Variants in CEP112 observed in about 807,000 individuals in gnomAD.
CEP112 encodes the protein centrosomal protein 112.
CEP112 carries 127 observed loss-of-function variants against 153.0 expected under a neutral mutation model. That is an observed-to-expected ratio of 0.83 (90% CI 0.72 to 0.96). The LOEUF (loss-of-function observed/expected upper bound fraction) is 0.96, where lower values mean the gene tolerates loss of function less well. Among genes scored for constraint, CEP112 ranks in the 40% least tolerant of loss-of-function variants. The pLI is 0.00. For synonymous variants in CEP112, 358 were observed against 374.4 expected (o/e 0.96, Z 0.51); for missense variants, 1,089 against 1,101.2 (o/e 0.99, Z 0.16).
intron 6 of CEP112, among the ~76,000 whole-genome samples, chr17:66,116,757 T>C (rs2069312213): frequency 6.6e-6 from 1 of 152,166 alleles, no homozygotes. Context: ...CCATATCCCA[T>C]TCTTTTAGTT....
chr17:65,761,057 C>A (rs6504346), intron 21 of CEP112, among the ~76,000 whole-genome samples: 60,452 of 151,836 alleles, frequency 0.4, 12,594 homozygotes, highest in East Asian at 0.79. Context: ...TATTTATAAT[C>A]CTTACAATAC....
chr17:65,647,436 G>A (rs1489509568), intron 24 of CEP112, among the ~76,000 whole-genome samples: 2 of 146,394 alleles, frequency 1.4e-5, no homozygotes, highest in Non-Finnish European at 3.0e-5. Context: ...GCCTCCCAAA[G>A]TACTGGGATT....
At chr17:66,126,445 T>C (rs1467645714) in intron 6 of CEP112, among the ~76,000 whole-genome samples, 1 of 152,046 alleles carries the variant, frequency 6.6e-6, no homozygotes, top group Admixed American at 6.6e-5. Context: ...AAAGCCTCCA[T>C]CCATGCAAGC....
chr17:66,166,051 T>C (rs1216375122), intron 4 of CEP112, among the ~76,000 whole-genome samples: 1 of 152,210 alleles, frequency 6.6e-6, no homozygotes, highest in Non-Finnish European at 1.5e-5. Flanking sequence ...ACACATGTAT[T>C]ATTTAGATGA....
chr17:65,968,470 T>C (rs1209165463), intron 17 of CEP112, among the ~76,000 whole-genome samples: 1 of 152,190 alleles, frequency 6.6e-6, no homozygotes, highest in Non-Finnish European at 1.5e-5. Context: ...TTTCTGCTCA[T>C]TATAGATGAT....
rs148995952 is a variant in CEP112, at chr17:65,913,259, A to G, written c.1981-10925T>C. On this transcript the variant is annotated intron_variant, in intron 19 of 26. Transcript: ENST00000535342. ...TAGTAGTTTCACAGACTGATTTTAT[A>G]TCCTCACTAAAAGATGTTGGAATCT... is the stretch of plus-strand genomic sequence containing the variant. Among the ~76,000 whole-genome samples the G allele has an allele frequency of 9.5e-4, 145 of 152,328 alleles. 2 individuals are homozygous for G. In the East Asian group the frequency reaches 0.02, roughly 21 times the overall value.
chr17:65,772,836 T>C (rs1302325961), intron 21 of CEP112, among the ~76,000 whole-genome samples: 2 of 151,956 alleles, frequency 1.3e-5, no homozygotes, highest in Non-Finnish European at 2.9e-5. Context: ...GGAAAAAATA[T>C]GAGATACCCT....
intron 17 of CEP112, among the ~76,000 whole-genome samples, chr17:65,997,671 ACTTTATTGGTTTGT>A (rs1598052835): frequency 6.6e-6 from 1 of 152,016 alleles, no homozygotes; most frequent in Non-Finnish European, 1.5e-5. Flanking sequence ...TCCTTCTAAA[ACTTTATTGGTTTGT>A]CTTTATTATT....
rs151263637 is a variant in CEP112, at chr17:65,653,044, A to C, written c.2698-11979T>G. 5.5e-3 allele frequency among the ~76,000 whole-genome samples: 833 copies of C among 152,178 alleles called. 5 individuals are homozygous for C. The highest frequency in any genetic ancestry group is 0.019 in the African/African-American group (808 of 41,524). The stretch of plus-strand genomic sequence containing the variant: ...TCTCTCTTCCTCTTTTTATAAAGAC[A>C]TTCATCTCATTATGGGGGACCTACC... On this transcript the variant is annotated intron_variant, in intron 24 of 26. Transcript: ENST00000535342.
intron 19 of CEP112, among the ~76,000 whole-genome samples, chr17:65,920,400 T>TATATATATATAA (rs1254685722): frequency 7.0e-5 from 8 of 113,848 alleles, no homozygotes. Context: ...TATATATATA[T>TATATATATATAA]ATATAATTAT....
chr17:65,681,906 C>T (rs1163924746), intron 24 of CEP112, among the ~76,000 whole-genome samples: 1 of 151,788 alleles, frequency 6.6e-6, no homozygotes, highest in East Asian at 1.9e-4. Flanking sequence ...TCTGGAACTC[C>T]TGGGCTCAAG....
chr17:66,034,993 CAT>C (rs1408997542), intron 12 of CEP112, among the ~76,000 whole-genome samples: 3 of 29,980 alleles, frequency 1.0e-4, no homozygotes, highest in South Asian at 1.4e-3. Context: ...TATATATATA[CAT>C]ATATATATAT....
rs1388862829 is a variant in CEP112, at chr17:66,070,007, AG to A, written c.769-7del. The A allele has an allele frequency of 6.4e-7, 1 of 1,566,472 alleles. No homozygotes were observed. Among genetic ancestry groups the A allele is most frequent in the East Asian group, 2.3e-5 (1 of 44,418 alleles). ...ATTTTTGTTTTCATGTCCAGCTTCA[AG>A]AAAAATATTTCAAGGGTGTTATTAA... is the stretch of plus-strand genomic sequence containing the variant. On this transcript the variant is annotated splice_region_variant and splice_polypyrimidine_tract_variant and intron_variant, in intron 8 of 26. Coordinates refer to ENST00000535342, the MANE Select transcript of CEP112 (RefSeq NM_001199165.4).
chr17:65,654,122 A>T (rs2143682005), intron 24 of CEP112, among the ~76,000 whole-genome samples: 1 of 151,862 alleles, frequency 6.6e-6, no homozygotes. Flanking sequence ...ATGATGCCAA[A>T]AAAATGCTGT....
chr17:65,872,704 T>C (rs1168979898), intron 20 of CEP112, among the ~76,000 whole-genome samples: 2 of 152,210 alleles, frequency 1.3e-5, no homozygotes, highest in Non-Finnish European at 2.9e-5. Context: ...AAAGTAAATG[T>C]GGTTTCATTA....
intron 21 of CEP112, among the ~76,000 whole-genome samples, chr17:65,824,164 A>G (rs1399921915): frequency 2.0e-5 from 3 of 152,232 alleles, no homozygotes; most frequent in African/African-American, 7.2e-5. Context: ...ACCAACCCAG[A>G]TATTTCCCAG....
intron 4 of CEP112, among the ~76,000 whole-genome samples, chr17:66,156,100 C>A (rs779799656): frequency 3.3e-4 from 50 of 152,154 alleles, no homozygotes; most frequent in Non-Finnish European, 6.3e-4. Flanking sequence ...AGATAACTCC[C>A]AGCAGGGGTC....
At chr17:65,993,945 T>A (rs1390431346) in intron 17 of CEP112, among the ~76,000 whole-genome samples, 1 of 151,888 alleles carries the variant, frequency 6.6e-6, no homozygotes. Context: ...GGTATGTATG[T>A]TATACTTCAG....
chr17:65,860,042 C>A (rs1379634673), intron 20 of CEP112, among the ~76,000 whole-genome samples: 6 of 148,834 alleles, frequency 4.0e-5, no homozygotes, highest in South Asian at 2.2e-4. Flanking sequence ...AAAAACCTAT[C>A]TTTAATCATA....
Sources: allele counts gnomAD v4.1 joint callset (sites outside exome capture counted in the v4.1 genomes callset), GRCh38; gene constraint gnomAD v4.1.1; transcripts MANE v1.5; gene names NCBI Gene and HGNC (gene_info 2026-07-23, HGNC 2026-07-21).